Variants in P2RY8 observed in about 807,000 individuals in gnomAD.
P2RY8 encodes the protein S-geranylgeranyl-glutathione receptor P2RY8.
In P2RY8, 6 loss-of-function variants were observed where a neutral mutation model predicts 10.0. The ratio of observed to expected loss-of-function variants is 0.60; its 90% CI spans 0.33 to 1.19. P2RY8 has a LOEUF of 1.19. Ranked by LOEUF, P2RY8 falls within the 50% of genes most tolerant of loss-of-function variation. The pLI, the probability that P2RY8 is intolerant of heterozygous loss-of-function variation, is 0.04. For synonymous variants in P2RY8, 276 were observed against 252.5 expected (o/e 1.09, Z -0.88); for missense variants, 456 against 542.0 (o/e 0.84, Z 1.58).
chrX:1,488,431 GACCAACTCACA>G (rs1307390966), intron 1 of P2RY8, among the ~76,000 whole-genome samples: 1 of 152,132 alleles, frequency 6.6e-6, no homozygotes, highest in Admixed American at 6.5e-5. Context: ...ACAGCGGTGG[GACCAACTCACA>G]GATATCTCCT....
intron 1 of P2RY8, among the ~76,000 whole-genome samples, chrX:1,477,199 A>AAAGAAG (rs1556675926): frequency 8.1e-5 from 12 of 148,460 alleles, no homozygotes; most frequent in South Asian, 4.3e-4. Flanking sequence ...AAAAAAAAAA[A>AAAGAAG]AAGAAGAAGA....
At chrX:1,488,175 G>C (rs2092005074) in intron 1 of P2RY8, among the ~76,000 whole-genome samples, 1 of 151,826 alleles carries the variant, frequency 6.6e-6, no homozygotes, top group East Asian at 1.9e-4. Flanking sequence ...ACTAACAGCT[G>C]AGCCCCCAGG....
intron 1 of P2RY8, among the ~76,000 whole-genome samples, chrX:1,474,928 G>A: frequency 6.9e-6 from 1 of 145,798 alleles, no homozygotes; most frequent in Admixed American, 6.9e-5. Context: ...GTGGATGGAT[G>A]AATCAGTGTT....
intron 1 of P2RY8, among the ~76,000 whole-genome samples, chrX:1,497,868 G>A (rs2092132800): frequency 6.6e-6 from 1 of 152,020 alleles, no homozygotes; most frequent in African/African-American, 2.4e-5. Context: ...CTGCAGCCTA[G>A]CGGGTCCTTG....
rs187320225 is a variant in P2RY8, at chrX:1,516,778, G to C, written c.-25+20143C>G. Among the ~76,000 whole-genome samples the C allele has an allele frequency of 2.8e-3, 431 of 151,764 alleles. 3 individuals are homozygous for C. The highest frequency in any genetic ancestry group is 0.01 in the African/African-American group (417 of 41,348). ...CATAAGAAGAGGAGATGAGGACACA[G>C]ACACACACAGAGGGGCGACCCTGTG... is the stretch of plus-strand genomic sequence containing the variant. On this transcript the variant is annotated intron_variant, in intron 1 of 1. Transcript: ENST00000381297.
rs371242186 is a variant in P2RY8, at chrX:1,466,019, C to G, written c.540G>C (p.Lys180Asn). The change falls in exon 2 of 2, where the codon AAG (lysine) becomes AAC (asparagine). Residue 180 changes from lysine (K) to asparagine (N), a missense_variant. Transcript: ENST00000381297. The stretch of plus-strand genomic sequence containing the variant: ...TGGCCACGCTGGGGAGCATCGTCCA[C>G]TTGAGGACGTCGAAGCAGGTGATGA... ...LGIITCFDVL[K>N]WTMLPSVAMW... is the part of the protein sequence containing the mutation. The G allele has an allele frequency of 7.1e-5, 115 of 1,611,926 alleles. No individual in the cohort carries two copies. The highest frequency in any genetic ancestry group is 8.4e-5 in the Non-Finnish European group (99 of 1,179,774).
At position 1,532,364 on chromosome X, in the gene P2RY8, C is replaced by CATATATGTATATGATGTGTGT. The variant is rs2092482067; in HGVS notation, c.-25+4556_-25+4557insACACACATCATATACATATAT. Among the ~76,000 whole-genome samples the CATATATGTATATGATGTGTGT allele has an allele frequency of 6.8e-5, 10 of 147,600 alleles. 1 individual carries two copies. Among genetic ancestry groups the CATATATGTATATGATGTGTGT allele is most frequent in the South Asian group, 4.3e-4 (2 of 4,616 alleles). On this transcript the variant is annotated intron_variant, in intron 1 of 1. Coordinates refer to ENST00000381297, the MANE Select transcript of P2RY8 (RefSeq NM_178129.5). ...TATGTATATGATGTGTATATATACA[C>CATATATGTATATGATGTGTGT]ATATACGTATATGATGTGTGTATAT...
chrX:1,521,939 G>GCT (rs1451487979), intron 1 of P2RY8, among the ~76,000 whole-genome samples: 6 of 92,486 alleles, frequency 6.5e-5, no homozygotes, highest in Admixed American at 1.4e-4. Flanking sequence ...TTTCTCTCTC[G>GCT]CTCTCTTTTT....
At chrX:1,530,838 A>G (rs1214242029) in intron 1 of P2RY8, among the ~76,000 whole-genome samples, 1 of 151,486 alleles carries the variant, frequency 6.6e-6, no homozygotes, top group Admixed American at 6.6e-5. Flanking sequence ...CATCACCATT[A>G]TCTATCTATA....
At chrX:1,530,433 A>G (rs1375654340) in intron 1 of P2RY8, among the ~76,000 whole-genome samples, 2 of 151,458 alleles carry the variant, frequency 1.3e-5, no homozygotes, top group African/African-American at 4.8e-5. Flanking sequence ...GTATCTATGT[A>G]TCTATCTATC....
rs1295100031 is a variant in P2RY8 at position 1,532,335 on chromosome X, CAT to C, written c.-25+4584_-25+4585del. ...ATATATACACACACGTATATATACA[CAT>C]ATATGTATATGATGTGTATATATAC... On this transcript the variant is annotated intron_variant, in intron 1 of 1. Coordinates refer to ENST00000381297, the MANE Select transcript of P2RY8 (RefSeq NM_178129.5). Among the ~76,000 whole-genome samples the C allele has an allele frequency of 2.9e-3, 411 of 141,498 alleles. 17 individuals carry two copies. The highest frequency in any genetic ancestry group is 7.5e-3 in the Middle Eastern group (2 of 266). 92.8% of individuals were successfully genotyped at this position (141,498 alleles called of 152,430 possible).
intron 1 of P2RY8, among the ~76,000 whole-genome samples, chrX:1,476,236 G>A (rs1265260460): frequency 1.3e-5 from 2 of 152,074 alleles, no homozygotes; most frequent in South Asian, 2.1e-4. Context: ...GTCACTGTTA[G>A]TGCACCCAGA....
At chrX:1,508,427 G>A (rs1416281437) in intron 1 of P2RY8, among the ~76,000 whole-genome samples, 5 of 152,106 alleles carry the variant, frequency 3.3e-5, no homozygotes, top group Non-Finnish European at 7.4e-5. Context: ...GCCACAGAGT[G>A]TCATCCAGCC....
At chrX:1,498,156 C>G (rs777679371) in intron 1 of P2RY8, among the ~76,000 whole-genome samples, 14 of 152,096 alleles carry the variant, frequency 9.2e-5, no homozygotes, top group African/African-American at 2.9e-4. Flanking sequence ...CCTGTCATCC[C>G]AGCACTTTGG....
In P2RY8 at chrX:1,533,133, G is replaced by T. The variant is rs1268651855; in HGVS notation, c.-25+3788C>A. On this transcript the variant is annotated intron_variant, in intron 1 of 1. Coordinates refer to ENST00000381297, the MANE Select transcript of P2RY8 (RefSeq NM_178129.5). The stretch of plus-strand genomic sequence containing the variant: ...GATAAAAGGCCACAAACCGGGTTCA[G>T]TGTATACTGCTTGGGTGACGGATAC... Among the ~76,000 whole-genome samples the T allele has an allele frequency of 5.3e-5, 8 of 150,958 alleles. 1 individual carries two copies. Among genetic ancestry groups the T allele is most frequent in the African/African-American group, 1.9e-4 (8 of 41,316 alleles).
At chrX:1,497,897 G>A in intron 1 of P2RY8, among the ~76,000 whole-genome samples, 1 of 152,040 alleles carries the variant, frequency 6.6e-6, no homozygotes. Context: ...GAAGCTGTGA[G>A]TATTTGGTTT....
At chrX:1,516,571 G>C (rs1282954565) in intron 1 of P2RY8, among the ~76,000 whole-genome samples, 1 of 151,702 alleles carries the variant, frequency 6.6e-6, no homozygotes, top group Non-Finnish European at 1.5e-5. Flanking sequence ...GATCCTGTGA[G>C]GACACAGGGA....
intron 1 of P2RY8, among the ~76,000 whole-genome samples, chrX:1,487,597 C>A (rs2091998220): frequency 1.3e-5 from 2 of 152,114 alleles, no homozygotes; most frequent in African/African-American, 4.8e-5. Context: ...CGCCTCTGAG[C>A]CTGAACTCTG....
intron 1 of P2RY8, among the ~76,000 whole-genome samples, chrX:1,522,376 G>C (rs1797864259): frequency 6.6e-6 from 1 of 152,100 alleles, no homozygotes; most frequent in African/African-American, 2.4e-5. Context: ...CCTCGATGTA[G>C]TTTCAGAATA....
Sources: allele counts gnomAD v4.1 joint callset (sites outside exome capture counted in the v4.1 genomes callset), GRCh38; gene constraint gnomAD v4.1.1; transcripts MANE v1.5; gene names NCBI Gene and HGNC (gene_info 2026-07-23, HGNC 2026-07-21).